SLC25A26: variants seen among roughly 807,000 people sequenced by gnomAD.
The protein encoded by SLC25A26 is solute carrier family 25 member 26.
In SLC25A26, 36 loss-of-function variants were observed where a neutral mutation model predicts 37.8. The ratio of observed to expected loss-of-function variants is 0.95; its 90% confidence interval spans 0.73 to 1.26. The LOEUF (loss-of-function observed/expected upper bound fraction) is 1.26, where lower values mean the gene tolerates loss of function less well. Ranked by LOEUF, SLC25A26 falls within the 50% of genes most tolerant of loss-of-function variation. The pLI, the probability that SLC25A26 is intolerant of heterozygous loss-of-function variation, is 0.00. For synonymous variants in SLC25A26, 129 were observed against 122.5 expected, an observed-to-expected ratio of 1.05 and a Z score of -0.35; for missense variants, 390 against 331.1, an observed-to-expected ratio of 1.18 and a Z score of -1.38.
chr3:66,298,096 A>G (rs782749), intron 5 of SLC25A26, among the ~76,000 whole-genome samples: 92,365 of 152,078 alleles, frequency 0.61, 28,202 homozygotes, highest in East Asian at 0.76. Flanking sequence ...GATCTTCTGA[A>G]TCAGAAACTT....
chr3:66,327,230 T>C (rs2075860675), intron 5 of SLC25A26, among the ~76,000 whole-genome samples: 3 of 152,268 alleles, frequency 2.0e-5, no homozygotes, highest in African/African-American at 4.8e-5. Context: ...ATTTCATAAA[T>C]TGTAAAGTAT....
rs1293041755 is a variant in SLC25A26, at chr3:66,214,954, T to C, written c.-353-5788T>C. ...ACCAGCCTGGCCAACGTGCTGAAAT[T>C]CCATCTCTACTAAAAATACAAAAAT... On this transcript the variant is annotated intron_variant, in intron 1 of 10. Transcript: ENST00000676754. Among the ~76,000 whole-genome samples the C allele has an allele frequency of 3.9e-5, 6 of 152,104 alleles. No homozygotes were observed. In the East Asian group the frequency reaches 5.8e-4, roughly 15 times the overall value.
intron 5 of SLC25A26, among the ~76,000 whole-genome samples, chr3:66,266,576 CTTTTTTTTTTT>C (rs1004250488): frequency 1.8e-5 from 2 of 111,532 alleles, no homozygotes; most frequent in Non-Finnish European, 3.5e-5. Context: ...TGTTGTCACA[CTTTTTTTTTTT>C]TTTTTTTTTT....
intron 1 of SLC25A26, among the ~76,000 whole-genome samples, chr3:66,227,671 T>C (rs901965673): frequency 6.6e-6 from 1 of 152,120 alleles, no homozygotes; most frequent in Non-Finnish European, 1.5e-5. Flanking sequence ...CTTGTAGTTT[T>C]TGTTTTCCTG....
intron 1 of SLC25A26, among the ~76,000 whole-genome samples, chr3:66,144,679 G>T (rs1214589534): frequency 6.6e-6 from 1 of 152,128 alleles, no homozygotes; most frequent in Non-Finnish European, 1.5e-5. Flanking sequence ...AGTAAAGGAG[G>T]TTGCACCGAG....
intron 1 of SLC25A26, among the ~76,000 whole-genome samples, chr3:66,193,017 G>A (rs1453874148): frequency 3.9e-5 from 6 of 151,968 alleles, no homozygotes; most frequent in African/African-American, 9.7e-5. Flanking sequence ...AAGACAGTTC[G>A]TTATACTAGG....
intron 6 of SLC25A26, among the ~76,000 whole-genome samples, chr3:66,360,154 C>G (rs1169965062): frequency 6.6e-6 from 1 of 152,126 alleles, no homozygotes; most frequent in Non-Finnish European, 1.5e-5. Context: ...ACCCTCACAA[C>G]CTTCCAGAGA....
At chr3:66,166,274 G>A (rs1324319303) in intron 1 of SLC25A26, among the ~76,000 whole-genome samples, 2 of 152,204 alleles carry the variant, frequency 1.3e-5, no homozygotes, top group African/African-American at 4.8e-5. Flanking sequence ...TTATTGCTGT[G>A]TGCTATCATT....
chr3:66,286,049 T>C (rs2107478304), intron 5 of SLC25A26, among the ~76,000 whole-genome samples: 1 of 152,376 alleles, frequency 6.6e-6, no homozygotes, highest in Admixed American at 6.5e-5. Context: ...TTTCTCATTT[T>C]TAATTGTACG....
intron 1 of SLC25A26, among the ~76,000 whole-genome samples, chr3:66,215,912 G>C (rs1047560660): frequency 2.9e-4 from 44 of 152,176 alleles, no homozygotes; most frequent in African/African-American, 1.0e-3. Flanking sequence ...AATTCTGGAG[G>C]CTGGGAAGTC....
chr3:66,160,373 C>T (rs746184206), intron 1 of SLC25A26, among the ~76,000 whole-genome samples: 2 of 152,120 alleles, frequency 1.3e-5, no homozygotes, highest in Non-Finnish European at 2.9e-5. Flanking sequence ...CTCCAAACAG[C>T]CAGTGGGTAA....
chr3:66,204,895 C>T (rs954547289), intron 1 of SLC25A26, among the ~76,000 whole-genome samples: 116 of 152,150 alleles, frequency 7.6e-4, no homozygotes, highest in Non-Finnish European at 1.1e-3. Flanking sequence ...AAACAGCTGA[C>T]TGCAAAGAAG....
chr3:66,340,938 T>C (rs1353700142), intron 5 of SLC25A26, among the ~76,000 whole-genome samples: 1 of 152,068 alleles, frequency 6.6e-6, no homozygotes, highest in African/African-American at 2.4e-5. Context: ...AGAAATTCTG[T>C]TGGAGAGAGA....
chr3:66,289,309 C>T (rs540836582), intron 5 of SLC25A26, among the ~76,000 whole-genome samples: 1 of 152,244 alleles, frequency 6.6e-6, no homozygotes, highest in South Asian at 2.1e-4. Flanking sequence ...TTTTGCTGTG[C>T]AGAAGCTCTT....
intron 5 of SLC25A26, among the ~76,000 whole-genome samples, chr3:66,269,382 T>C (rs1205311679): frequency 2.0e-5 from 3 of 152,224 alleles, no homozygotes; most frequent in African/African-American, 4.8e-5. Flanking sequence ...GAGAGTGTTA[T>C]ATCCAGATGT....
intron 5 of SLC25A26, among the ~76,000 whole-genome samples, chr3:66,269,936 C>T (rs1361473777): frequency 2.6e-5 from 4 of 152,100 alleles, no homozygotes; most frequent in African/African-American, 7.2e-5. Flanking sequence ...TTGTAGGATG[C>T]CCAGGCTCTA....
chr3:66,202,731 T>TA (rs1385442440), intron 1 of SLC25A26, among the ~76,000 whole-genome samples: 8 of 151,666 alleles, frequency 5.3e-5, no homozygotes, highest in Non-Finnish European at 7.4e-5. Context: ...ACTCCCATTT[T>TA]AAAAAAAACA....
At chr3:66,195,588 G>A (rs1008066453) in intron 1 of SLC25A26, among the ~76,000 whole-genome samples, 1 of 152,248 alleles carries the variant, frequency 6.6e-6, no homozygotes, top group Admixed American at 6.5e-5. Flanking sequence ...CCTCGGGCTA[G>A]CGTCTGGCTG....
At position 66,221,125 on chromosome 3, in the gene SLC25A26, G is replaced by A. The variant is rs962949347; in HGVS notation, c.31G>A (p.Val11Met). 1.3e-5 allele frequency: 20 copies of A among 1,529,928 alleles called. No homozygotes were observed. The East Asian group carries it at 3.2e-4, about 25-fold the overall frequency. 94.8% of individuals were successfully genotyped at this position (1,529,928 alleles called of 1,614,324 possible). Residue 11 changes from valine (V) to methionine (M), a missense_variant and splice_region_variant, in exon 1 of 10, where the codon GTG (valine) becomes ATG (methionine). Coordinates refer to ENST00000354883, the MANE Select transcript of SLC25A26 (RefSeq NM_001379210.1). The stretch of plus-strand genomic sequence containing the variant: ...CCGGCCGGGGTTCGTGGCAGCGCTG[G>A]TGGTGAGTGCGGGGCGGTGGGGTGG... MDRPGFVAALVAGGVAGVSVD... is the reference protein window; with the variant it reads MDRPGFVAALMAGGVAGVSVD...
Sources: gnomAD v4.1 joint callset for allele counts (sites outside exome capture counted in the v4.1 genomes callset) on GRCh38, gnomAD v4.1.1 for gene constraint, MANE v1.5 for transcripts, NCBI Gene and HGNC (gene_info 2026-07-23, HGNC 2026-07-21) for gene names.